Variants in DCC observed in about 807,000 individuals in gnomAD.
The protein encoded by DCC is DCC netrin 1 receptor.
A neutral mutation model predicts 172.5 loss-of-function variants in DCC; 58 were observed. The observed-to-expected ratio is 0.34, with a 90% CI of 0.27 to 0.42. The LOEUF (loss-of-function observed/expected upper bound fraction) is 0.42. DCC is among the 10% of genes least tolerant of loss of function. The pLI, the probability that DCC is intolerant of heterozygous loss-of-function variation, is 1.00. For synonymous variants in DCC, 709 were observed against 644.5 expected (o/e 1.10, Z -1.52); for missense variants, 1,740 against 1,791.0 (o/e 0.97, Z 0.51).
intron 15 of DCC, among the ~76,000 whole-genome samples, chr18:53,374,414 C>T (rs1228328258): frequency 6.6e-6 from 1 of 152,118 alleles, no homozygotes; most frequent in Non-Finnish European, 1.5e-5. Flanking sequence ...AATAAATACA[C>T]ACATATATGC....
intron 1 of DCC, among the ~76,000 whole-genome samples, chr18:52,552,764 C>G (rs1476266053): frequency 1.3e-5 from 2 of 152,030 alleles, no homozygotes; most frequent in South Asian, 2.1e-4. Context: ...TTGAAATTAT[C>G]TAATTGACTT....
intron 9 of DCC, among the ~76,000 whole-genome samples, chr18:53,203,470 G>T (rs976156466): frequency 1.3e-5 from 2 of 152,058 alleles, no homozygotes; most frequent in African/African-American, 4.8e-5. Context: ...GAATCTCAAG[G>T]TTCCAGGACT....
At chr18:52,612,146 C>T (rs1161776503) in intron 1 of DCC, among the ~76,000 whole-genome samples, 1 of 152,162 alleles carries the variant, frequency 6.6e-6, no homozygotes, top group Admixed American at 6.5e-5. Context: ...CTCTTCAGAT[C>T]TCTCGAAATT....
chr18:52,761,305 C>A (rs780470210), intron 2 of DCC, among the ~76,000 whole-genome samples: 1 of 152,132 alleles, frequency 6.6e-6, no homozygotes, highest in East Asian at 1.9e-4. Context: ...CAATTACCTC[C>A]CACAGGGTCC....
chr18:53,287,013 CAT>C (rs774181756), intron 12 of DCC, among the ~76,000 whole-genome samples: 8 of 151,972 alleles, frequency 5.3e-5, no homozygotes, highest in Non-Finnish European at 7.4e-5. Flanking sequence ...AACATCTTCA[CAT>C]GTGGTATTTA....
intron 2 of DCC, among the ~76,000 whole-genome samples, chr18:52,842,304 A>G (rs73956075): frequency 0.05 from 7,598 of 152,210 alleles, 652 homozygotes; most frequent in African/African-American, 0.17. Context: ...TCACTTGATT[A>G]TGGAGGCTGA....
At chr18:52,381,618 G>A (rs1265550095) in intron 1 of DCC, among the ~76,000 whole-genome samples, 1 of 152,056 alleles carries the variant, frequency 6.6e-6, no homozygotes, top group Non-Finnish European at 1.5e-5. Flanking sequence ...CACTTCCTGT[G>A]TCCCACCACT....
chr18:52,586,098 A>C (rs1022886889), intron 1 of DCC, among the ~76,000 whole-genome samples: 7 of 151,240 alleles, frequency 4.6e-5, no homozygotes, highest in Non-Finnish European at 8.9e-5. Flanking sequence ...AAAAAAAAAA[A>C]AAAAAAAAAA....
chr18:53,031,738 G>A (rs191028685), intron 5 of DCC, among the ~76,000 whole-genome samples: 78 of 152,112 alleles, frequency 5.1e-4, no homozygotes, highest in African/African-American at 1.8e-3. Flanking sequence ...TTCTTCAGTT[G>A]GCTAAAGTAT....
intron 5 of DCC, among the ~76,000 whole-genome samples, chr18:52,980,198 G>C (rs1490879409): frequency 6.6e-6 from 1 of 152,200 alleles, no homozygotes; most frequent in African/African-American, 2.4e-5. Flanking sequence ...TCACCCAGCT[G>C]CTTCCTCTGG....
chr18:53,148,039 G>A lies in DCC; in HGVS notation c.1262-9317G>A, dbSNP rs1054444962. On this transcript the variant is annotated intron_variant, in intron 7 of 28. Coordinates refer to ENST00000442544, the MANE Select transcript of DCC (RefSeq NM_005215.4). ...TTGAGTTTCTCACTGGAAACATTTA[G>A]TTGTTTAACACACACATACAAAATT... Among the ~76,000 whole-genome samples, 13 of 152,206 alleles carry A rather than the reference G, an allele frequency of 8.5e-5. 1 individual carries two copies. The South Asian group carries it at 2.1e-3, about 24-fold the overall frequency.
At chr18:53,127,743 TA>T (rs1295288793) in intron 7 of DCC, among the ~76,000 whole-genome samples, 1 of 152,178 alleles carries the variant, frequency 6.6e-6, no homozygotes, top group Non-Finnish European at 1.5e-5. Flanking sequence ...TTCTGCCTTT[TA>T]GAAGTGGTGC....
intron 1 of DCC, among the ~76,000 whole-genome samples, chr18:52,393,403 T>C (rs1463448749): frequency 1.3e-5 from 2 of 152,022 alleles, no homozygotes; most frequent in Non-Finnish European, 2.9e-5. Flanking sequence ...CAATGGGAGC[T>C]TGTAAAAATG....
intron 5 of DCC, among the ~76,000 whole-genome samples, chr18:52,959,922 G>A (rs890616367): frequency 6.6e-6 from 1 of 152,082 alleles, no homozygotes; most frequent in African/African-American, 2.4e-5. Context: ...TATCATAATT[G>A]TAGCTCTGAA....
intron 7 of DCC, among the ~76,000 whole-genome samples, chr18:53,151,000 G>T (rs2043988666): frequency 6.6e-6 from 1 of 152,200 alleles, no homozygotes; most frequent in African/African-American, 2.4e-5. Context: ...ATCCTGGAGG[G>T]TCAAGCCAAG....
At chr18:53,503,736 A>G (rs551513821) in intron 27 of DCC, among the ~76,000 whole-genome samples, 1 of 152,328 alleles carries the variant, frequency 6.6e-6, no homozygotes, top group Non-Finnish European at 1.5e-5. Flanking sequence ...CTAAAGGGAA[A>G]GAAAATGTGA....
chr18:53,362,641 AT>A (rs995496484), intron 15 of DCC, among the ~76,000 whole-genome samples: 4 of 151,276 alleles, frequency 2.6e-5, no homozygotes, highest in African/African-American at 4.9e-5. Flanking sequence ...GGCTTAAGGT[AT>A]TTTTTTTTCT....
At chr18:52,470,434 A>G (rs1177723163) in intron 1 of DCC, among the ~76,000 whole-genome samples, 1 of 152,130 alleles carries the variant, frequency 6.6e-6, no homozygotes, top group Non-Finnish European at 1.5e-5. Context: ...AATATCCTAG[A>G]TTATTCTGTG....
chr18:52,347,138 T>C (rs568731347), intron 1 of DCC, among the ~76,000 whole-genome samples: 1 of 152,322 alleles, frequency 6.6e-6, no homozygotes, highest in South Asian at 2.1e-4. Context: ...AACTGGTTAG[T>C]GAATTGTGTT....
Sources: allele counts gnomAD v4.1 joint callset (sites outside exome capture counted in the v4.1 genomes callset), GRCh38; gene constraint gnomAD v4.1.1; transcripts MANE v1.5; gene names NCBI Gene and HGNC (gene_info 2026-07-23, HGNC 2026-07-21).